The following LRP1B variants were observed in gnomAD, a reference collection of about 807,000 sequenced individuals.
The protein encoded by LRP1B is low-density lipoprotein receptor-related protein 1B.
Under a neutral mutation model 556.6 loss-of-function variants are expected in LRP1B, and 217 were observed. The ratio of observed to expected loss-of-function variants is 0.39; its 90% CI spans 0.35 to 0.44. The LOEUF (loss-of-function observed/expected upper bound fraction) is 0.44. LRP1B is among the 20% of genes least tolerant of loss of function. The probability of loss-of-function intolerance (pLI) is 1.00; values close to 1 mark genes in which losing one functional copy is unlikely to be tolerated. For missense variants in LRP1B, 5,053 were observed against 5,620.8 expected (o/e 0.90, Z 3.23); for synonymous variants, 2,047 against 1,865.8 (o/e 1.10, Z -2.50).
At chr2:141,069,317 G>A (rs1374459898) in intron 7 of LRP1B, among the ~76,000 whole-genome samples, 5 of 152,038 alleles carry the variant, frequency 3.3e-5, no homozygotes, top group African/African-American at 1.2e-4. Flanking sequence ...CTGTGAAAGT[G>A]GAGCACTAAA....
At chr2:141,371,690 G>A (rs1029120159) in intron 3 of LRP1B, among the ~76,000 whole-genome samples, 3 of 152,004 alleles carry the variant, frequency 2.0e-5, no homozygotes, top group Admixed American at 2.0e-4. Context: ...ATATAGAAAT[G>A]TTCCTGATTT....
intron 27 of LRP1B, among the ~76,000 whole-genome samples, chr2:140,862,262 G>A (rs1692822281): frequency 6.6e-6 from 1 of 151,854 alleles, no homozygotes; most frequent in Non-Finnish European, 1.5e-5. Context: ...TGTTTGTACG[G>A]TTGGAAAAAA....
rs1203299384 is a variant in LRP1B, at chr2:140,624,153, C to T, written c.6800-22514G>A. Among the ~76,000 whole-genome samples the T allele has an allele frequency of 3.3e-5, 5 of 151,782 alleles. No individual in the cohort carries two copies. In the East Asian group the frequency reaches 7.8e-4, roughly 24 times the overall value. ...TGCTTGTTGTCAAGAAGAGATAAAT[C>T]TCAGATGCAACTTTGAATCTTCTTA... On this transcript the variant is annotated intron_variant, in intron 41 of 90. Coordinates refer to ENST00000389484, the MANE Select transcript of LRP1B (RefSeq NM_018557.3).
At chr2:141,327,109 G>A (rs112522124) in intron 3 of LRP1B, among the ~76,000 whole-genome samples, 3,209 of 152,156 alleles carry the variant, frequency 0.021, 57 homozygotes, top group Non-Finnish European at 0.034. Flanking sequence ...AAAATGACTC[G>A]CAGACTTCTG....
At chr2:141,509,957 C>T (rs1461089853) in intron 2 of LRP1B, among the ~76,000 whole-genome samples, 1 of 151,984 alleles carries the variant, frequency 6.6e-6, no homozygotes, top group East Asian at 1.9e-4. Context: ...GTTTCACAAA[C>T]TATTTCAACC....
At chr2:140,659,116 T>TG (rs1684999088) in intron 41 of LRP1B, among the ~76,000 whole-genome samples, 1 of 144,978 alleles carries the variant, frequency 6.9e-6, no homozygotes, top group Non-Finnish European at 1.5e-5. Context: ...TTTTTTTTTT[T>TG]TTTTTTTTTT....
At chr2:141,447,924 T>G (rs1395205423) in intron 3 of LRP1B, among the ~76,000 whole-genome samples, 10 of 152,198 alleles carry the variant, frequency 6.6e-5, no homozygotes, top group Non-Finnish European at 1.2e-4. Flanking sequence ...AGTCTGTCCC[T>G]TAGCAGAGCT....
At chr2:141,466,853 C>T (rs1439793367) in intron 3 of LRP1B, among the ~76,000 whole-genome samples, 4 of 148,082 alleles carry the variant, frequency 2.7e-5, no homozygotes, top group Non-Finnish European at 6.0e-5. Flanking sequence ...TGTAAAACTA[C>T]TTTTTTTTTT....
intron 2 of LRP1B, among the ~76,000 whole-genome samples, chr2:141,743,194 T>G (rs1693776711): frequency 2.0e-5 from 3 of 152,178 alleles, no homozygotes; most frequent in Admixed American, 2.0e-4. Flanking sequence ...GAAATAATCA[T>G]ATGGTGTTTG....
intron 1 of LRP1B, among the ~76,000 whole-genome samples, chr2:141,880,534 T>TA (rs916079667): frequency 6.6e-6 from 1 of 151,788 alleles, no homozygotes; most frequent in South Asian, 2.1e-4. Context: ...TCAATTTTAA[T>TA]AAAAAAAGGA....
intron 86 of LRP1B, among the ~76,000 whole-genome samples, chr2:140,258,986 G>C (rs985406076): frequency 2.6e-5 from 4 of 151,982 alleles, no homozygotes; most frequent in Admixed American, 1.3e-4. Context: ...CATACATATA[G>C]CTGTGACACT....
At chr2:141,357,207 C>A (rs1193533007) in intron 3 of LRP1B, among the ~76,000 whole-genome samples, 1 of 151,964 alleles carries the variant, frequency 6.6e-6, no homozygotes, top group Non-Finnish European at 1.5e-5. Context: ...AGGCGTGCAC[C>A]ACCACGCCCA....
At chr2:140,418,654 G>T (rs777715699) in intron 66 of LRP1B, among the ~76,000 whole-genome samples, 2 of 151,442 alleles carry the variant, frequency 1.3e-5, no homozygotes, top group East Asian at 1.9e-4. Context: ...ACACTTTGGG[G>T]GTCGGTGTTT....
At chr2:141,891,531 A>G (rs1318935797) in intron 1 of LRP1B, among the ~76,000 whole-genome samples, 2 of 152,168 alleles carry the variant, frequency 1.3e-5, no homozygotes, top group African/African-American at 4.8e-5. Context: ...GAAACAAGGT[A>G]AGATTTTATG....
At chr2:142,051,471 GTTTTTTT>G (rs1559043889) in intron 1 of LRP1B, among the ~76,000 whole-genome samples, 2 of 150,078 alleles carry the variant, frequency 1.3e-5, no homozygotes, top group African/African-American at 2.5e-5. Context: ...GTGTTTTTTT[GTTTTTTT>G]GTTTTTTTTT....
rs191040877 is a variant in LRP1B at position 140,628,301 on chromosome 2, C to T, written c.6800-26662G>A. Reference sequence around the variant, plus strand: ...ATCCCCACACTTTGGGAGGCCGAGGCGGGAGGATCACGAGGTCAGGAGATC... The same window carrying T: ...ATCCCCACACTTTGGGAGGCCGAGGTGGGAGGATCACGAGGTCAGGAGATC... On this transcript the variant is annotated intron_variant, in intron 41 of 90. Coordinates refer to ENST00000389484, the MANE Select transcript of LRP1B (RefSeq NM_018557.3). Among the ~76,000 whole-genome samples, 464 of 152,058 alleles carry T rather than the reference C, an allele frequency of 3.1e-3. 1 individual carries two copies. Among genetic ancestry groups the T allele is most frequent in the Admixed American group, 4.1e-3 (62 of 15,268 alleles).
intron 6 of LRP1B, among the ~76,000 whole-genome samples, chr2:141,192,386 A>T (rs1574175672): frequency 1.3e-5 from 2 of 152,040 alleles, no homozygotes; most frequent in East Asian, 3.9e-4. Context: ...GAACATTTTT[A>T]GGAGCGAAGT....
chr2:142,112,573 T>C lies in LRP1B; in HGVS notation c.82+18075A>G, dbSNP rs76651793. Among the ~76,000 whole-genome samples the C allele has an allele frequency of 2.2e-3, 330 of 152,246 alleles. 3 individuals are homozygous for C. Among genetic ancestry groups the C allele is most frequent in the Non-Finnish European group, 3.7e-3 (251 of 67,998 alleles). On this transcript the variant is annotated intron_variant, in intron 1 of 90. Transcript: ENST00000389484. ...TAAAATCAGAGGCATTTGTTCCATC[T>C]ATTGCATGGCATTGCTCTGTGATTT...
chr2:140,444,473 A>T (rs377684740), intron 64 of LRP1B, 24 bp from the exon 65 acceptor site: 4 of 1,613,694 alleles, frequency 2.5e-6, no homozygotes, highest in Non-Finnish European at 2.5e-6. Context: ...GGAGAGAGAG[A>T]GAGAAAATTT....
Sources: allele counts gnomAD v4.1 joint callset (sites outside exome capture counted in the v4.1 genomes callset), GRCh38; gene constraint gnomAD v4.1.1; transcripts MANE v1.5; gene names NCBI Gene and HGNC (gene_info 2026-07-23, HGNC 2026-07-21).